The following SP3 variants were observed in gnomAD, a reference collection of about 807,000 sequenced individuals.
The protein encoded by SP3 is Sp3 transcription factor.
SP3 carries 10 observed loss-of-function variants against 70.3 expected under a neutral mutation model. The observed-to-expected ratio is 0.14, with a 90% confidence interval of 0.09 to 0.24. The LOEUF is 0.24. SP3 is among the 10% of genes least tolerant of loss of function. The probability of loss-of-function intolerance (pLI) is 1.00; values close to 1 mark genes in which losing one functional copy is unlikely to be tolerated. For missense variants in SP3, 825 were observed against 914.6 expected (o/e 0.90, Z 1.26); for synonymous variants, 402 against 333.5 (o/e 1.21, Z -2.24).
intron 4 of SP3, among the ~76,000 whole-genome samples, chr2:173,936,343 G>C (rs1690212051): frequency 6.6e-6 from 1 of 152,106 alleles, no homozygotes; most frequent in African/African-American, 2.4e-5. Flanking sequence ...TTTAGTGCTA[G>C]TTTCTTCCCA....
At chr2:173,947,683 G>A (rs968753754) in intron 4 of SP3, among the ~76,000 whole-genome samples, 2 of 152,120 alleles carry the variant, frequency 1.3e-5, no homozygotes, top group Non-Finnish European at 2.9e-5. Flanking sequence ...TCTTTAATCT[G>A]ACATGAATTC....
Position 173,910,272 on chromosome 2 carries a change from ATTAAGTTACTTGGTT to A in SP3, c.2030-30_2030-16del. On this transcript the variant is annotated splice_polypyrimidine_tract_variant and intron_variant, in intron 6 of 6. Transcript: ENST00000310015. ...TTTCTTCTCACCTGTTAAGAAAAAA[ATTAAGTTACTTGGTT>A]TTAAAAATTCAACTTTAATAGCTCA... The A allele has an allele frequency of 6.2e-7, 1 of 1,610,334 alleles. No homozygotes were observed. The highest frequency in any genetic ancestry group is 8.5e-7 in the Non-Finnish European group (1 of 1,178,280).
chr2:173,927,283 T>C (rs1364661198), intron 4 of SP3, among the ~76,000 whole-genome samples: 1 of 151,940 alleles, frequency 6.6e-6, no homozygotes, highest in Non-Finnish European at 1.5e-5. Context: ...TATCTTTTTT[T>C]TTTTTTTTTA....
intron 4 of SP3, among the ~76,000 whole-genome samples, chr2:173,951,531 G>A (rs919328062): frequency 2.6e-5 from 4 of 152,172 alleles, no homozygotes; most frequent in African/African-American, 9.7e-5. Context: ...AATGTCTAGA[G>A]TGAATAAAAG....
At chr2:173,922,132 A>C (rs1559093389) in intron 4 of SP3, among the ~76,000 whole-genome samples, 1 of 152,170 alleles carries the variant, frequency 6.6e-6, no homozygotes, top group Non-Finnish European at 1.5e-5. Flanking sequence ...TCTTAAAAAG[A>C]GATGATAGTG....
At chr2:173,919,759 T>C (rs1423353509) in intron 4 of SP3, among the ~76,000 whole-genome samples, 3 of 152,122 alleles carry the variant, frequency 2.0e-5, no homozygotes, top group Non-Finnish European at 4.4e-5. Context: ...TGATGGTAGG[T>C]GTGTAGATCA....
In SP3 at chr2:173,906,626, A is replaced by C. The variant is rs148924989; in HGVS notation, c.*3315T>G. 2.0e-5 allele frequency: 3 copies of C among 152,372 alleles called. No individual in the cohort carries two copies. Among genetic ancestry groups the C allele is most frequent in the East Asian group, 3.9e-4 (2 of 5,186 alleles). 9.4% of individuals were successfully genotyped at this position (152,372 alleles called of 1,614,324 possible). ...GTTATTCCATAATCATTTATGCAAC[A>C]ACCCCAAATTTCAAACAATATTGAA... On this transcript the variant is annotated 3_prime_UTR_variant, in exon 7 of 7. Coordinates refer to ENST00000310015, the MANE Select transcript of SP3 (RefSeq NM_003111.5).
intron 6 of SP3, among the ~76,000 whole-genome samples, chr2:173,912,864 A>G (rs1240075786): frequency 6.6e-6 from 1 of 152,228 alleles, no homozygotes; most frequent in East Asian, 1.9e-4. Flanking sequence ...CTACTTAAAT[A>G]TAACTTTATT....
At chr2:173,965,047 A>G in intron 1 of SP3, 118 bp downstream of exon 1, 1 of 1,368,980 alleles carries the variant, frequency 7.3e-7, no homozygotes, top group Non-Finnish European at 1.0e-6. Context: ...TCTGCCTCTC[A>G]CAGACACTCG....
At chr2:173,945,470 G>A (rs1459937210) in intron 4 of SP3, among the ~76,000 whole-genome samples, 2 of 152,040 alleles carry the variant, frequency 1.3e-5, no homozygotes, top group Non-Finnish European at 2.9e-5. Flanking sequence ...TTTGTAGTGT[G>A]GGACAAAAGA....
chr2:173,965,070 G>A, intron 1 of SP3, 95 bp downstream of exon 1: 2 of 1,492,858 alleles, frequency 1.3e-6, no homozygotes, highest in Non-Finnish European at 1.8e-6. Flanking sequence ...CGCACACACG[G>A]GGCCGAGACC....
chr2:173,949,521 C>T lies in SP3; in HGVS notation c.1639+5352G>A, dbSNP rs531575392. On this transcript the variant is annotated intron_variant, in intron 4 of 6. Transcript: ENST00000310015. Reference sequence around the variant, plus strand: ...TGGGCCAGTTACTTTCCTATCCAACCGTGAGAATAGTAAATAGATTAATGT... The same window carrying T: ...TGGGCCAGTTACTTTCCTATCCAACTGTGAGAATAGTAAATAGATTAATGT... Among the ~76,000 whole-genome samples, 9 of 152,098 alleles carry T rather than the reference C, an allele frequency of 5.9e-5. No homozygotes were observed. In the South Asian group the frequency reaches 6.2e-4, roughly 11 times the overall value.
intron 4 of SP3, among the ~76,000 whole-genome samples, chr2:173,944,253 G>A (rs1324131480): frequency 1.3e-5 from 2 of 152,188 alleles, no homozygotes; most frequent in Non-Finnish European, 2.9e-5. Context: ...AAAGCTGAAG[G>A]CCAGGCATGG....
chr2:173,934,489 A>G (rs558322853), intron 4 of SP3, among the ~76,000 whole-genome samples: 18 of 152,156 alleles, frequency 1.2e-4, no homozygotes, highest in African/African-American at 4.3e-4. Context: ...TAAATGACAT[A>G]ATGTTAATCA....
intron 4 of SP3, among the ~76,000 whole-genome samples, chr2:173,935,380 A>AT (rs1690179114): frequency 6.6e-6 from 1 of 152,206 alleles, no homozygotes; most frequent in Non-Finnish European, 1.5e-5. Flanking sequence ...TCCTGATGGA[A>AT]AATAGTAAGA....
rs1689370911 is a variant in SP3, at chr2:173,907,717, C to G, written c.*2224G>C. On this transcript the variant is annotated 3_prime_UTR_variant, in exon 7 of 7. Coordinates refer to ENST00000310015, the MANE Select transcript of SP3 (RefSeq NM_003111.5). ...GCTCAAGTGAACCACCTGCTGCTCACTTAATTCTCTTCACATTAATCTTAA... is the reference window on the plus strand; with the variant it reads ...GCTCAAGTGAACCACCTGCTGCTCAGTTAATTCTCTTCACATTAATCTTAA... The G allele has an allele frequency of 6.6e-6, 1 of 152,114 alleles. No individual in the cohort carries two copies. The highest frequency in any genetic ancestry group is 6.5e-5 in the Admixed American group (1 of 15,270). The allele number at this position is 152,114 out of a possible 1,614,324, so 9.4% of individuals were successfully genotyped here.
In SP3 at chr2:173,904,286, A is replaced by C. The variant is rs1261642807; in HGVS notation, c.*5655T>G. Among the ~76,000 whole-genome samples the C allele has an allele frequency of 6.6e-6, 1 of 152,140 alleles. No homozygotes were observed. The highest frequency in any genetic ancestry group is 1.5e-5 in the Non-Finnish European group (1 of 68,016). ...AGGGACCAGTACCGGTCTGTGGCCC[A>C]GGGGTTGGGGACCCTTTTCTATAGG... On this transcript the variant is annotated 3_prime_UTR_variant, in exon 7 of 7. Coordinates refer to ENST00000310015, the MANE Select transcript of SP3 (RefSeq NM_003111.5).
intron 4 of SP3, among the ~76,000 whole-genome samples, chr2:173,946,685 C>T (rs1366519208): frequency 6.7e-6 from 1 of 149,258 alleles, no homozygotes. Context: ...ACTCCACGAT[C>T]TTCTGACATC....
intron 4 of SP3, among the ~76,000 whole-genome samples, chr2:173,938,993 G>A (rs936634577): frequency 5.9e-5 from 9 of 152,122 alleles, no homozygotes; most frequent in African/African-American, 2.2e-4. Flanking sequence ...TAGTGGGTAA[G>A]TCAGGAATGC....
Sources: gnomAD v4.1 joint callset for allele counts (sites outside exome capture counted in the v4.1 genomes callset) on GRCh38, gnomAD v4.1.1 for gene constraint, MANE v1.5 for transcripts, NCBI Gene and HGNC (gene_info 2026-07-23, HGNC 2026-07-21) for gene names.